The following SEL1L3 variants were observed in gnomAD, a reference collection of about 807,000 sequenced individuals.
SEL1L3 encodes protein sel-1 homolog 3.
A neutral mutation model predicts 142.8 loss-of-function variants in SEL1L3; 76 were observed. The ratio of observed to expected loss-of-function variants is 0.53; its 90% CI spans 0.44 to 0.64. The LOEUF is 0.64. Ranked by LOEUF, SEL1L3 falls within the 30% of genes least tolerant of loss-of-function variation. The pLI is 0.00. For missense variants in SEL1L3, 1,262 were observed against 1,381.7 expected, an observed-to-expected ratio of 0.91 and a Z score of 1.37; for synonymous variants, 504 against 519.6, an observed-to-expected ratio of 0.97 and a Z score of 0.41.
In SEL1L3 at chr4:25,847,389, C is replaced by A. The variant is rs1416771405; in HGVS notation, c.638G>T (p.Arg213Leu). 2 of 1,613,960 alleles carry A rather than the reference C, an allele frequency of 1.2e-6. No individual in the cohort carries two copies. The highest frequency in any genetic ancestry group is 2.2e-5 in the East Asian group (1 of 44,886). ...GCACACTTGATGATCTTTGAAAGGG[C>A]GTTCAAAAGGCGGGATGGTCTGCAG... is the stretch of plus-strand genomic sequence containing the variant. ...TLLQTIPPFERPFKDHQVCLE... is the reference protein window; with the variant it reads ...TLLQTIPPFELPFKDHQVCLE... The change falls in exon 2 of 24, where the codon CGC becomes CTC. Residue 213 changes from arginine to leucine, a missense_variant. Arg to Leu is a moderately radical substitution (Grantham distance 102). This residue lies in a region of SEL1L3 where 689 missense variants were observed against 692.8 expected (regional missense o/e 0.99). Transcript: ENST00000399878.
the SEL1L3 span, among the ~76,000 whole-genome samples, chr4:25,727,633 T>A: frequency 2.0e-5 from 3 of 152,188 alleles, no homozygotes; most frequent in African/African-American, 4.8e-5. Context: ...TCTGTGATCC[T>A]GCCCAAAGTC....
chr4:25,730,853 A>C, the SEL1L3 span, among the ~76,000 whole-genome samples: 1 of 152,042 alleles, frequency 6.6e-6, no homozygotes, highest in African/African-American at 2.4e-5. Context: ...ACATGGCGAA[A>C]CCCCATCTTG....
intron 11 of SEL1L3, among the ~76,000 whole-genome samples, chr4:25,798,684 C>T (rs564840410): frequency 4.5e-4 from 69 of 152,192 alleles, no homozygotes; most frequent in African/African-American, 1.6e-3. Context: ...AAAAATTAGC[C>T]GGGCGTGGTG....
At chr4:25,828,065 C>G (rs1162512667) in intron 6 of SEL1L3, among the ~76,000 whole-genome samples, 1 of 152,224 alleles carries the variant, frequency 6.6e-6, no homozygotes, top group Non-Finnish European at 1.5e-5. Context: ...CGCCTTCTGG[C>G]TGATCTGAAT....
intron 8 of SEL1L3, 100 bp from the exon 9 acceptor site, chr4:25,818,378 C>T: frequency 9.4e-7 from 1 of 1,066,964 alleles, no homozygotes. Context: ...AAAGACTTGC[C>T]ATTACTGGAT....
intron 2 of SEL1L3, among the ~76,000 whole-genome samples, chr4:25,841,213 T>C (rs1716146099): frequency 6.6e-6 from 1 of 152,108 alleles, no homozygotes; most frequent in African/African-American, 2.4e-5. Flanking sequence ...TCTGTATTTT[T>C]AGTAGAGATG....
chr4:25,830,814 T>G (rs1715392500), intron 5 of SEL1L3, among the ~76,000 whole-genome samples: 1 of 152,152 alleles, frequency 6.6e-6, no homozygotes, highest in Admixed American at 6.5e-5. Flanking sequence ...AAAGACAAAC[T>G]AACCCACCAG....
chr4:25,832,850 G>C, intron 5 of SEL1L3, 145 bp downstream of exon 5: 1 of 593,308 alleles, frequency 1.7e-6, no homozygotes, highest in Admixed American at 3.1e-5. Flanking sequence ...ATGAAAGTTT[G>C]ATTTAGCAAG....
intron 9 of SEL1L3, among the ~76,000 whole-genome samples, chr4:25,815,193 A>G (rs1336812845): frequency 2.0e-5 from 3 of 152,148 alleles, no homozygotes; most frequent in South Asian, 4.1e-4. Context: ...TGCTGTTCTA[A>G]TTTGGCACCA....
intron 9 of SEL1L3, among the ~76,000 whole-genome samples, chr4:25,810,992 C>T (rs1022912215): frequency 7.9e-5 from 12 of 152,290 alleles, no homozygotes; most frequent in East Asian, 1.9e-4. Context: ...ACCAGGTTAG[C>T]GCATCAGCTG....
chr4:25,729,700 C>A, the SEL1L3 span, among the ~76,000 whole-genome samples: 2 of 151,954 alleles, frequency 1.3e-5, no homozygotes, highest in Non-Finnish European at 2.9e-5. Flanking sequence ...GATGACAGAG[C>A]AAGACACCTT....
At chr4:25,782,511 T>C in intron 14 of SEL1L3, 93 bp from the exon 15 acceptor site, 1 of 1,092,040 alleles carries the variant, frequency 9.2e-7, no homozygotes, top group Non-Finnish European at 1.3e-6. Context: ...TGCCTAAGTC[T>C]GAACAAAACC....
chr4:25,787,668 T>C (rs961148294), intron 13 of SEL1L3, among the ~76,000 whole-genome samples: 4 of 152,186 alleles, frequency 2.6e-5, no homozygotes, highest in African/African-American at 7.2e-5. Context: ...CCAAAGTTCA[T>C]TGGTCCTATT....
At chr4:25,774,580 C>T (rs1719471974) in intron 17 of SEL1L3, among the ~76,000 whole-genome samples, 1 of 152,144 alleles carries the variant, frequency 6.6e-6, no homozygotes, top group African/African-American at 2.4e-5. Flanking sequence ...AAAAGCAGGG[C>T]CCAGGTGAGG....
rs1013025082 is a variant in SEL1L3 at position 25,797,024 on chromosome 4, CAG to C, written c.1956+5257_1956+5258del. On this transcript the variant is annotated intron_variant, in intron 11 of 23. Coordinates refer to ENST00000399878, the MANE Select transcript of SEL1L3 (RefSeq NM_015187.5). ...GAGAGGAAAAGGAGAGAGGAAAAGA[CAG>C]GGGGAATAGACAGGTAGTGGAGAGA... is the stretch of plus-strand genomic sequence containing the variant. Among the ~76,000 whole-genome samples, 186 of 146,558 alleles carry C rather than the reference CAG, an allele frequency of 1.3e-3. 1 individual carries two copies. Among genetic ancestry groups the C allele is most frequent in the African/African-American group, 4.3e-3 (168 of 39,350 alleles).
chr4:25,808,834 C>CTGAGG (rs1713788786), intron 9 of SEL1L3, among the ~76,000 whole-genome samples: 2 of 152,374 alleles, frequency 1.3e-5, no homozygotes, highest in African/African-American at 4.8e-5. Flanking sequence ...CTTTGGGAGG[C>CTGAGG]CGAGGCGGGC....
intron 1 of SEL1L3, among the ~76,000 whole-genome samples, chr4:25,861,630 C>CT (rs143198162): frequency 0.37 from 50,058 of 135,346 alleles, 9,667 homozygotes; most frequent in East Asian, 0.51. Context: ...TGACACTGCT[C>CT]TTTTTTTTTT....
At chr4:25,816,534 T>A (rs962709964) in intron 9 of SEL1L3, among the ~76,000 whole-genome samples, 1 of 152,150 alleles carries the variant, frequency 6.6e-6, no homozygotes, top group African/African-American at 2.4e-5. Context: ...CAGGCCTGCA[T>A]CCACTCCTCA....
At chr4:25,855,763 GA>G (rs199696597) in intron 1 of SEL1L3, among the ~76,000 whole-genome samples, 97 of 144,972 alleles carry the variant, frequency 6.7e-4, no homozygotes, top group Admixed American at 1.1e-3. Context: ...TCCGTCTCAG[GA>G]AAAAAAAAAA....
Sources: gnomAD v4.1 joint callset for allele counts (sites outside exome capture counted in the v4.1 genomes callset) on GRCh38, gnomAD v4.1.1 for gene constraint, gnomAD v4.1.1 regional missense constraint, MANE v1.5 for transcripts, NCBI Gene and HGNC (gene_info 2026-07-23, HGNC 2026-07-21) for gene names.